Variants in CTXND2 observed in about 807,000 individuals in gnomAD.
CTXND2 encodes the protein cortexin domain containing 2.
At chr1:150,889,604 TCCTAG>T (rs1668821592) in intron 1 of CTXND2, among the ~76,000 whole-genome samples, 1 of 152,030 alleles carries the variant, frequency 6.6e-6, no homozygotes, top group African/African-American at 2.4e-5. Context: ...CACTGTGTTA[TCCTAG>T]CCCTTGTTTC....
chr1:150,895,150 A>G (rs1668900940), intron 1 of CTXND2, among the ~76,000 whole-genome samples: 2 of 151,822 alleles, frequency 1.3e-5, no homozygotes, highest in African/African-American at 4.8e-5. Context: ...TATTTTGGCT[A>G]GTCTTTACCA....
At chr1:150,895,561 C>T (rs964971054) in intron 1 of CTXND2, among the ~76,000 whole-genome samples, 1 of 152,142 alleles carries the variant, frequency 6.6e-6, no homozygotes, top group Non-Finnish European at 1.5e-5. Flanking sequence ...CTAGGCTGGT[C>T]TTGAACTCCT....
intron 1 of CTXND2, among the ~76,000 whole-genome samples, chr1:150,897,211 G>T (rs1668924202): frequency 6.6e-6 from 1 of 152,190 alleles, no homozygotes; most frequent in Non-Finnish European, 1.5e-5. Flanking sequence ...TTTGTAGTTT[G>T]GAGGGGAATA....
chr1:150,903,800 C>CA (rs752462474), intron 1 of CTXND2: 42,433 of 326,786 alleles, frequency 0.13, 51 homozygotes, highest in South Asian at 0.21. Flanking sequence ...AACTCCGTCT[C>CA]AAAAAAAAAA....
intron 1 of CTXND2, among the ~76,000 whole-genome samples, chr1:150,906,171 C>T (rs1399454483): frequency 6.6e-6 from 1 of 151,418 alleles, no homozygotes. Flanking sequence ...TGGTGGTGGG[C>T]ACCTGTAGTC....
rs58415621 is a variant in CTXND2 at position 150,905,062 on chromosome 1, C to CCACACACA, written c.-73-7145_-73-7138dup. ...TAAGACAAGATAATCAAAAAGAAAA[C>CCACACACA]CACACACACACACACACACACACAC... is the stretch of plus-strand genomic sequence containing the variant. On this transcript the variant is annotated intron_variant, in intron 1 of 1. Coordinates refer to ENST00000636087, the Ensembl canonical transcript of CTXND2. Among the ~76,000 whole-genome samples, 1,132 of 130,798 alleles carry CCACACACA rather than the reference C, an allele frequency of 8.7e-3. 6 individuals are homozygous for CCACACACA. The highest frequency in any genetic ancestry group is 0.019 in the Middle Eastern group (5 of 268). The allele number at this position is 130,798 out of a possible 152,430, so 85.8% of individuals were successfully genotyped here. A position where few individuals can be genotyped will look rare whatever the true frequency, so the allele number is the denominator to read the frequency against.
chr1:150,909,208 A>C (rs1476741575), intron 1 of CTXND2, among the ~76,000 whole-genome samples: 3 of 148,372 alleles, frequency 2.0e-5, no homozygotes. Flanking sequence ...ATTGCCCTCC[A>C]GCCTGGGCGA....
At chr1:150,900,324 CACTCCTAAAGTCAAGCAAGACCACAA>C (rs1432741234) in intron 1 of CTXND2, among the ~76,000 whole-genome samples, 2 of 151,894 alleles carry the variant, frequency 1.3e-5, no homozygotes, top group Non-Finnish European at 2.9e-5. Context: ...TCTGCGGCTT[CACTCCTAAAGTCAAGCAAGACCACAA>C]ACCCACTGGA....
chr1:150,902,677 T>G (rs587715720), intron 1 of CTXND2, among the ~76,000 whole-genome samples: 1 of 152,156 alleles, frequency 6.6e-6, no homozygotes, highest in African/African-American at 2.4e-5. Flanking sequence ...AATTTTTGTA[T>G]AGTTCTGGTA....
rs587714520 is a variant in CTXND2, at chr1:150,902,205, T to A, written c.-73-10037T>A. ...TCACAAGGTCAGGATATTGAGACCA[T>A]CCTGGATAACACAGTGAAACCCCGT... On this transcript the variant is annotated intron_variant, in intron 1 of 1. Transcript: ENST00000636087. 2.7e-4 allele frequency among the ~76,000 whole-genome samples: 41 copies of A among 152,092 alleles called. 1 individual carries two copies. In the South Asian group the frequency reaches 7.9e-3, roughly 29 times the overall value.
chr1:150,889,528 C>T (rs2102592831), intron 1 of CTXND2, among the ~76,000 whole-genome samples: 1 of 152,138 alleles, frequency 6.6e-6, no homozygotes, highest in Middle Eastern at 3.4e-3. Context: ...TACATGTCCA[C>T]TTAATTTCCA....
rs1349614248 is a variant in CTXND2, at chr1:150,911,772, T to C, written c.-73-470T>C. 2.6e-5 allele frequency among the ~76,000 whole-genome samples: 4 copies of C among 152,154 alleles called. No individual in the cohort carries two copies. The East Asian group carries it at 7.7e-4, about 29-fold the overall frequency. On this transcript the variant is annotated intron_variant, in intron 1 of 1. Coordinates refer to ENST00000636087, the Ensembl canonical transcript of CTXND2. The stretch of plus-strand genomic sequence containing the variant: ...ATTGAAATTGATCACTTCTGGGATA[T>C]ACCTGATTTTTCATGAAGATGTAAG...
chr1:150,906,425 C>T (rs587698144), intron 1 of CTXND2, among the ~76,000 whole-genome samples: 1 of 152,088 alleles, frequency 6.6e-6, no homozygotes, highest in Admixed American at 6.6e-5. Context: ...CCCTTCCTCC[C>T]AAAGCCAAAG....
chr1:150,900,153 C>T (rs1668981549), intron 1 of CTXND2, among the ~76,000 whole-genome samples: 1 of 152,144 alleles, frequency 6.6e-6, no homozygotes, highest in Admixed American at 6.5e-5. Context: ...ATAAATCTTC[C>T]TGCTGCTCAG....
chr1:150,907,538 C>G (rs2102603349), intron 1 of CTXND2, among the ~76,000 whole-genome samples: 1 of 152,250 alleles, frequency 6.6e-6, no homozygotes, highest in East Asian at 1.9e-4. Context: ...ACATACCACA[C>G]TTTGCTTATC....
chr1:150,898,029 T>G (rs1297869281), intron 1 of CTXND2, among the ~76,000 whole-genome samples: 2 of 152,174 alleles, frequency 1.3e-5, no homozygotes, highest in Non-Finnish European at 2.9e-5. Context: ...ATTAAACCAC[T>G]TTTCAAAACA....
At chr1:150,896,161 G>A (rs1668912415) in intron 1 of CTXND2, among the ~76,000 whole-genome samples, 1 of 152,158 alleles carries the variant, frequency 6.6e-6, no homozygotes, top group Non-Finnish European at 1.5e-5. Flanking sequence ...GAATATGTGA[G>A]GTTTGAATTT....
chr1:150,911,461 G>A (rs1372711366), intron 1 of CTXND2, among the ~76,000 whole-genome samples: 1 of 150,226 alleles, frequency 6.7e-6, no homozygotes, highest in African/African-American at 2.5e-5. Flanking sequence ...TTTGAGGTGG[G>A]GTCTCGCTCT....
At chr1:150,901,470 G>C (rs935775510) in intron 1 of CTXND2, among the ~76,000 whole-genome samples, 1 of 152,198 alleles carries the variant, frequency 6.6e-6, no homozygotes, top group African/African-American at 2.4e-5. Flanking sequence ...AAGGTGGGGT[G>C]CTCACATGTT....
Sources: allele counts gnomAD v4.1 joint callset (sites outside exome capture counted in the v4.1 genomes callset), GRCh38; gene constraint gnomAD v4.1.1; transcripts MANE v1.5; gene names NCBI Gene and HGNC (gene_info 2026-07-23, HGNC 2026-07-21).